PKP2: variants seen among roughly 807,000 people sequenced by gnomAD.
PKP2 encodes the protein plakophilin 2, also known as plakophilin-2.
A neutral mutation model predicts 83.4 loss-of-function variants in PKP2; 73 were observed. The observed-to-expected ratio is 0.88, with a 90% CI of 0.72 to 1.06. The LOEUF (loss-of-function observed/expected upper bound fraction) is 1.06. Ranked by LOEUF, PKP2 falls within the 50% of genes least tolerant of loss-of-function variation. PKP2 has a pLI of 0.00. For missense variants in PKP2, 966 were observed against 1,065.4 expected, an observed-to-expected ratio of 0.91 and a Z score of 1.30; for synonymous variants, 409 against 430.4, an observed-to-expected ratio of 0.95 and a Z score of 0.62.
At chr12:32,895,691 C>G (rs1046382660) in intron 1 of PKP2, among the ~76,000 whole-genome samples, 1 of 152,214 alleles carries the variant, frequency 6.6e-6, no homozygotes, top group Admixed American at 6.5e-5. Flanking sequence ...TCACAAGTGG[C>G]TTGCCATCTT....
chr12:32,857,147 G>A (rs1473533822), intron 4 of PKP2, among the ~76,000 whole-genome samples: 1 of 152,188 alleles, frequency 6.6e-6, no homozygotes, highest in Non-Finnish European at 1.5e-5. Context: ...GTTCAGGCCA[G>A]GCGCAACAGC....
intron 3 of PKP2, among the ~76,000 whole-genome samples, chr12:32,871,824 T>TC (rs1226049526): frequency 6.6e-6 from 1 of 152,132 alleles, no homozygotes; most frequent in African/African-American, 2.4e-5. Context: ...GGTCTCCAAC[T>TC]CCTTGTCTTA....
rs1956590559 is a variant in PKP2, at chr12:32,841,353, AAGAACCCAATT to A, written c.1379-159_1379-149del. On this transcript the variant is annotated intron_variant, in intron 5 of 12. Coordinates refer to ENST00000340811, the MANE Select transcript of PKP2 (RefSeq NM_001005242.3). Reference sequence around the variant, plus strand: ...GGGGGCCAGCCTCTTTCTCAACTAGAAGAACCCAATTAGAACTCATTAGATGGTGATGGAGG... The same window carrying A: ...GGGGGCCAGCCTCTTTCTCAACTAGAAGAACTCATTAGATGGTGATGGAGG... The A allele has an allele frequency of 1.0e-5, 7 of 675,352 alleles. No homozygotes were observed. The East Asian group carries it at 1.9e-4, about 18-fold the overall frequency. 41.8% of individuals were successfully genotyped at this position (675,352 alleles called of 1,614,324 possible).
intron 9 of PKP2, among the ~76,000 whole-genome samples, chr12:32,804,913 CACCA>C (rs763916435): frequency 6.6e-6 from 1 of 152,226 alleles, no homozygotes; most frequent in Non-Finnish European, 1.5e-5. Flanking sequence ...TTTGCACTCC[CACCA>C]ATGGTGGAAA....
At chr12:32,890,039 G>A (rs374806361) in intron 1 of PKP2, among the ~76,000 whole-genome samples, 11 of 122,292 alleles carry the variant, frequency 9.0e-5, no homozygotes, top group East Asian at 4.8e-4. Flanking sequence ...TTGTGCCACC[G>A]CACTCCAGCC....
At chr12:32,854,738 C>T (rs1409751604) in intron 4 of PKP2, among the ~76,000 whole-genome samples, 1 of 152,174 alleles carries the variant, frequency 6.6e-6, no homozygotes, top group African/African-American at 2.4e-5. Context: ...CATGAAAGGG[C>T]AGAGTCACAT....
intron 4 of PKP2, among the ~76,000 whole-genome samples, chr12:32,859,749 C>T (rs1352299666): frequency 1.3e-5 from 2 of 152,132 alleles, no homozygotes; most frequent in Non-Finnish European, 2.9e-5. Flanking sequence ...AGCCACTATA[C>T]CTGGCCCTCA....
Position 32,802,500 on chromosome 12 carries a change from G to C in PKP2, c.2070C>G (p.Thr690=), listed in dbSNP as rs587781109. 10 of 1,613,362 alleles carry C rather than the reference G, an allele frequency of 6.2e-6. No individual in the cohort carries two copies. Among genetic ancestry groups the C allele is most frequent in the Non-Finnish European group, 8.5e-6 (10 of 1,179,456 alleles). ...GGTCACCAACATGCAGCATCTTTCG[G>C]GTGTGCTGCAGGCCACTTTCCTTCT... is the stretch of plus-strand genomic sequence containing the variant. The part of the protein sequence containing the change: ...VVQKESGLQH[T]RKMLHVGDPS... Residue 690 remains threonine (T), a synonymous_variant, in exon 10 of 13, where the codon ACC becomes ACG. Transcript: ENST00000340811.
chr12:32,828,996 C>T (rs1169788550), intron 6 of PKP2, among the ~76,000 whole-genome samples: 1 of 152,114 alleles, frequency 6.6e-6, no homozygotes. Context: ...AGTGCAGTGG[C>T]ATGATCATAC....
chr12:32,891,445 T>C (rs1957074731), intron 1 of PKP2, among the ~76,000 whole-genome samples: 1 of 152,194 alleles, frequency 6.6e-6, no homozygotes. Flanking sequence ...GGAATTCAAT[T>C]GTAGGGTAAA....
chr12:32,794,053 T>C (rs997749999), intron 11 of PKP2, among the ~76,000 whole-genome samples: 1 of 152,148 alleles, frequency 6.6e-6, no homozygotes, highest in Non-Finnish European at 1.5e-5. Flanking sequence ...TTTGTAAACA[T>C]AAAACCAAAA....
At chr12:32,793,923 T>C (rs1956097724) in intron 11 of PKP2, among the ~76,000 whole-genome samples, 1 of 152,170 alleles carries the variant, frequency 6.6e-6, no homozygotes, top group Non-Finnish European at 1.5e-5. Context: ...TTATCCTAAA[T>C]GTCCCACCTC....
chr12:32,879,162 C>A, intron 1 of PKP2, 130 bp from the exon 2 acceptor site: 2 of 685,734 alleles, frequency 2.9e-6, no homozygotes, highest in South Asian at 1.6e-5. Context: ...ATTAAACGTA[C>A]GTTAATGTTT....
intron 9 of PKP2, among the ~76,000 whole-genome samples, chr12:32,812,851 G>A (rs1466303726): frequency 5.3e-5 from 8 of 152,128 alleles, no homozygotes. Context: ...CCATACAAAT[G>A]ACTTGCCAAT....
At chr12:32,802,613 A>C (rs1341511000) in intron 9 of PKP2, 57 bp from the exon 10 acceptor site, 1 of 1,453,904 alleles carries the variant, frequency 6.9e-7, no homozygotes, top group East Asian at 2.3e-5. Context: ...CGATAACATT[A>C]AGTTTTCTGT....
At chr12:32,822,672 A>G (rs1309517310) in intron 7 of PKP2, 41 bp from the exon 8 acceptor site, 4 of 1,599,796 alleles carry the variant, frequency 2.5e-6, no homozygotes, top group Non-Finnish European at 3.4e-6. Flanking sequence ...ATACATATAG[A>G]TATCCTTGCA....
intron 3 of PKP2, among the ~76,000 whole-genome samples, chr12:32,877,008 G>A (rs1366275568): frequency 6.6e-6 from 1 of 152,194 alleles, no homozygotes; most frequent in Non-Finnish European, 1.5e-5. Context: ...TGAGCATGCT[G>A]TACAATTTCA....
rs145073225 is a variant in PKP2, at chr12:32,869,143, A to T, written c.1035-81T>A. 322 of 1,511,874 alleles carry T rather than the reference A, an allele frequency of 2.1e-4. 2 individuals carry two copies. The East Asian group carries it at 6.8e-3, about 32-fold the overall frequency. 93.7% of individuals were successfully genotyped at this position (1,511,874 alleles called of 1,614,324 possible). On this transcript the variant is annotated intron_variant, in intron 3 of 12. Transcript: ENST00000340811. ...CAACCTGGTCCTCCAGAGACGACTCAGCGAATACTGGGAAGCACTAGAACA... is the reference window on the plus strand; with the variant it reads ...CAACCTGGTCCTCCAGAGACGACTCTGCGAATACTGGGAAGCACTAGAACA...
chr12:32,874,348 G>A (rs373911445), intron 3 of PKP2, among the ~76,000 whole-genome samples: 1 of 152,070 alleles, frequency 6.6e-6, no homozygotes, highest in Non-Finnish European at 1.5e-5. Flanking sequence ...CAGAGGAAAG[G>A]GGGAGGTCAG....
Sources: gnomAD v4.1 joint callset for allele counts (sites outside exome capture counted in the v4.1 genomes callset) on GRCh38, gnomAD v4.1.1 for gene constraint, MANE v1.5 for transcripts, NCBI Gene and HGNC (gene_info 2026-07-23, HGNC 2026-07-21) for gene names.